DLG5: variants seen among roughly 807,000 people sequenced by gnomAD.
The protein encoded by DLG5 is disks large homolog 5.
In DLG5, 48 loss-of-function variants were observed where a neutral mutation model predicts 189.8. The ratio of observed to expected loss-of-function variants is 0.25; its 90% CI spans 0.20 to 0.32. The LOEUF (loss-of-function observed/expected upper bound fraction) is 0.32. Ranked by LOEUF, DLG5 falls within the 10% of genes least tolerant of loss-of-function variation. DLG5 has a pLI of 1.00. For synonymous variants in DLG5, 1,016 were observed against 1,054.1 expected, an observed-to-expected ratio of 0.96 and a Z score of 0.70; for missense variants, 2,160 against 2,544.7, an observed-to-expected ratio of 0.85 and a Z score of 3.25.
chr10:77,872,179 G>A (rs775314359), intron 1 of DLG5, among the ~76,000 whole-genome samples: 50 of 152,142 alleles, frequency 3.3e-4, no homozygotes, highest in Non-Finnish European at 2.8e-4. Flanking sequence ...GGCAGCCTGC[G>A]CTCCAGATGC....
At position 77,800,092 on chromosome 10, in the gene DLG5, G is replaced by A. The variant is rs1005145291; in HGVS notation, c.5165-3498C>T. Among the ~76,000 whole-genome samples, 3 of 152,158 alleles carry A rather than the reference G, an allele frequency of 2.0e-5. No homozygotes were observed. The South Asian group carries it at 6.2e-4, about 32-fold the overall frequency. ...TTGCAGGTGGGTGCACAATCAGCAG[G>A]GTGGGGGGTACCAGGGATGCTATGC... On this transcript the variant is annotated intron_variant, in intron 27 of 31. Coordinates refer to ENST00000372391, the MANE Select transcript of DLG5 (RefSeq NM_004747.4).
At chr10:77,800,462 C>T (rs1029206093) in intron 27 of DLG5, among the ~76,000 whole-genome samples, 6 of 151,146 alleles carry the variant, frequency 4.0e-5, no homozygotes, top group African/African-American at 1.5e-4. Context: ...GGCAGAGGGC[C>T]GCCGCTGAGG....
Position 77,853,388 on chromosome 10 carries a change from T to C in DLG5, c.830A>G (p.Lys277Arg). 4 of 1,598,936 alleles carry C rather than the reference T, an allele frequency of 2.5e-6. No homozygotes were observed. The South Asian group carries it at 4.5e-5, about 18-fold the overall frequency. ...CTGGGCACGGAGGTCACCGATCTCC[T>C]TCTGGTCCTCCTCGTGGAGCCGCTT... The part of the protein sequence containing the change: ...DMKRLHEEDQ[K>R]EIGDLRAQQQ... Residue 277 changes from lysine (K) to arginine (R), a missense_variant, in exon 5 of 32, where the codon AAG (lysine) becomes AGG (arginine). Lys to Arg is a conservative substitution (Grantham distance 26). Around this residue, in one of 5 missense-constraint regions of DLG5, gnomAD observed 664 missense variants for 838.5 expected, o/e 0.79. Transcript: ENST00000372391.
At chr10:77,918,457 A>G (rs980419641) in intron 1 of DLG5, among the ~76,000 whole-genome samples, 5 of 152,272 alleles carry the variant, frequency 3.3e-5, no homozygotes, top group African/African-American at 1.2e-4. Context: ...TATGTAAATT[A>G]TTATCACAAT....
At chr10:77,920,620 C>A (rs1846506299) in intron 1 of DLG5, among the ~76,000 whole-genome samples, 1 of 152,216 alleles carries the variant, frequency 6.6e-6, no homozygotes, top group African/African-American at 2.4e-5. Flanking sequence ...TCTTAGTCCT[C>A]TAGCCCTGGC....
At chr10:77,896,959 C>A (rs1245299900) in intron 1 of DLG5, among the ~76,000 whole-genome samples, 2 of 151,906 alleles carry the variant, frequency 1.3e-5, no homozygotes, top group Admixed American at 1.3e-4. Context: ...AAGAAAGTAT[C>A]ATTAAAATGT....
chr10:77,936,386 C>G, the DLG5 span, among the ~76,000 whole-genome samples: 1 of 146,896 alleles, frequency 6.8e-6, no homozygotes, highest in Non-Finnish European at 1.5e-5. Context: ...TGCAGTGAGC[C>G]GAGATCACGC....
chr10:77,807,748 C>A, intron 25 of DLG5, 48 bp downstream of exon 25: 3 of 1,592,484 alleles, frequency 1.9e-6, no homozygotes, highest in Non-Finnish European at 2.6e-6. Flanking sequence ...CCAGTGAAAG[C>A]CTCTCCTCTG....
At chr10:77,857,481 G>T (rs374881021) in intron 2 of DLG5, among the ~76,000 whole-genome samples, 1 of 152,204 alleles carries the variant, frequency 6.6e-6, no homozygotes, top group Non-Finnish European at 1.5e-5. Flanking sequence ...CAGCCCAGGC[G>T]TGCAGGCTAA....
intron 2 of DLG5, among the ~76,000 whole-genome samples, chr10:77,864,438 A>G (rs920359436): frequency 6.6e-6 from 1 of 152,326 alleles, no homozygotes; most frequent in Non-Finnish European, 1.5e-5. Context: ...CAGTCATCAG[A>G]GCACCACGTC....
chr10:77,917,950 G>A (rs568563499), intron 1 of DLG5, among the ~76,000 whole-genome samples: 10 of 151,668 alleles, frequency 6.6e-5, no homozygotes, highest in African/African-American at 1.9e-4. Flanking sequence ...CCCAGGAGGC[G>A]GAGGTTGTGG....
intron 1 of DLG5, among the ~76,000 whole-genome samples, chr10:77,907,754 C>T (rs1264820291): frequency 6.6e-6 from 1 of 152,118 alleles, no homozygotes; most frequent in Non-Finnish European, 1.5e-5. Context: ...GCCATGGTCA[C>T]GGTAAGTGGC....
At chr10:77,831,720 C>CT in intron 9 of DLG5, among the ~76,000 whole-genome samples, 1 of 152,356 alleles carries the variant, frequency 6.6e-6, no homozygotes, top group East Asian at 1.9e-4. Context: ...GCTGGAGCGA[C>CT]TGCACATCCA....
chr10:77,815,000 G>A (rs916776610), intron 20 of DLG5, among the ~76,000 whole-genome samples: 3 of 152,012 alleles, frequency 2.0e-5, no homozygotes, highest in African/African-American at 4.8e-5. Context: ...ATCTCCAATC[G>A]GATCCTAACC....
At chr10:77,911,384 G>C (rs1053751340) in intron 1 of DLG5, among the ~76,000 whole-genome samples, 16 of 152,194 alleles carry the variant, frequency 1.1e-4, no homozygotes, top group African/African-American at 3.9e-4. Flanking sequence ...CAAAGTGCTG[G>C]AATTACAGGT....
chr10:77,873,495 T>C (rs982740391), intron 1 of DLG5, among the ~76,000 whole-genome samples: 4 of 151,930 alleles, frequency 2.6e-5, no homozygotes, highest in African/African-American at 9.7e-5. Context: ...GATAATTCTG[T>C]TTACCCCGTG....
chr10:77,794,441 G>A (rs546696695), intron 30 of DLG5, among the ~76,000 whole-genome samples: 60 of 152,326 alleles, frequency 3.9e-4, no homozygotes, highest in African/African-American at 1.4e-3. Context: ...CACAGGAGCC[G>A]AAGCTCAGCG....
chr10:77,843,583 T>A lies in DLG5; in HGVS notation c.988A>T (p.Ile330Phe), dbSNP rs984733712. Residue 330 changes from isoleucine to phenylalanine, a missense_variant, in exon 6 of 32, where the codon ATC becomes TTC. Transcript: ENST00000372391. ...LRKRYSEKVA[I>F]HNADLSRLEQ... ...AGGCGGCTCAGGTCTGCATTGTGGATGGCGACTTTCTCACTGTACCTCTTC... is the reference window on the plus strand; with the variant it reads ...AGGCGGCTCAGGTCTGCATTGTGGAAGGCGACTTTCTCACTGTACCTCTTC... 6.2e-7 allele frequency: 1 copy of A among 1,614,170 alleles called. No homozygotes were observed. The highest frequency in any genetic ancestry group is 8.5e-7 in the Non-Finnish European group (1 of 1,180,042).
rs746182996 is a variant in DLG5, at chr10:77,821,552, T to C, written c.2932A>G (p.Thr978Ala). The C allele has an allele frequency of 6.8e-6, 11 of 1,612,670 alleles. No homozygotes were observed. The Admixed American group carries it at 1.2e-4, about 17-fold the overall frequency. The change falls in exon 15 of 32, where the codon ACT becomes GCT. Residue 978 changes from threonine (T) to alanine (A), a missense_variant. Around this residue, in one of 5 missense-constraint regions of DLG5, gnomAD observed 754 missense variants for 746.5 expected, o/e 1.01. Transcript: ENST00000372391. ...KQRKSIFDPN[T>A]FKRPQTPPKI... Reference sequence around the variant, plus strand: ...GGGGGTGTCTGGGGGCGTTTGAAAGTGTTAGGGTCAAAGATGGACTTTCTT... The same window carrying C: ...GGGGGTGTCTGGGGGCGTTTGAAAGCGTTAGGGTCAAAGATGGACTTTCTT...
Sources: gnomAD v4.1 joint callset for allele counts (sites outside exome capture counted in the v4.1 genomes callset) on GRCh38, gnomAD v4.1.1 for gene constraint, gnomAD v4.1.1 regional missense constraint, MANE v1.5 for transcripts, NCBI Gene and HGNC (gene_info 2026-07-23, HGNC 2026-07-21) for gene names.